Variants in SLC25A17 observed in about 807,000 individuals in gnomAD.
SLC25A17 encodes the protein solute carrier family 25 member 17.
Under a neutral mutation model 38.5 loss-of-function variants are expected in SLC25A17, and 26 were observed. That is an observed-to-expected ratio of 0.68 (90% CI 0.50 to 0.94). The LOEUF (loss-of-function observed/expected upper bound fraction) is 0.94, where lower values mean the gene tolerates loss of function less well. Ranked by LOEUF, SLC25A17 falls within the 40% of genes least tolerant of loss-of-function variation. The probability of loss-of-function intolerance (pLI) is 0.00; values close to 1 mark genes in which losing one functional copy is unlikely to be tolerated. For synonymous variants in SLC25A17, 139 were observed against 136.2 expected (o/e 1.02, Z -0.14); for missense variants, 333 against 372.7 (o/e 0.89, Z 0.88).
intron 4 of SLC25A17, among the ~76,000 whole-genome samples, chr22:40,790,920 GTCTTTT>G (rs2057379883): frequency 6.6e-6 from 1 of 152,098 alleles, no homozygotes; most frequent in South Asian, 2.1e-4. Context: ...TAAAAAACAA[GTCTTTT>G]TCTGTACAGG....
chr22:40,770,916 G>A lies in SLC25A17; in HGVS notation c.842C>T (p.Ala281Val), dbSNP rs1347806901. ...EAKLLQTVLT[A>V]ALMFLVYEKL... ...CTCATAAACAAGGAACATGAGAGCA[G>A]CAGTGAGGACTGTCTGCAGCAGTTT... Residue 281 changes from alanine (A) to valine (V), a missense_variant, in exon 9 of 9, where the codon GCT becomes GTT. Coordinates refer to ENST00000435456, the MANE Select transcript of SLC25A17 (RefSeq NM_006358.4). 6.2e-7 allele frequency: 1 copy of A among 1,613,394 alleles called. No homozygotes were observed. The highest frequency in any genetic ancestry group is 2.2e-5 in the East Asian group (1 of 44,874).
intron 8 of SLC25A17, 79 bp downstream of exon 8, chr22:40,773,858 G>A: frequency 1.0e-6 from 1 of 986,808 alleles, no homozygotes; most frequent in Non-Finnish European, 1.6e-6. Flanking sequence ...AGTAGTGTGA[G>A]AGAGGGAAAT....
intron 1 of SLC25A17, among the ~76,000 whole-genome samples, chr22:40,807,370 G>C (rs1018476550): frequency 9.2e-5 from 14 of 152,134 alleles, no homozygotes; most frequent in African/African-American, 3.4e-4. Context: ...GCTTGTGATA[G>C]AATCAGTATT....
intron 1 of SLC25A17, among the ~76,000 whole-genome samples, chr22:40,807,505 T>A (rs913634623): frequency 2.6e-5 from 4 of 152,134 alleles, no homozygotes; most frequent in Non-Finnish European, 4.4e-5. Flanking sequence ...ATCCCACCAC[T>A]TTGGGAGGCC....
intron 1 of SLC25A17, among the ~76,000 whole-genome samples, chr22:40,800,523 C>T (rs1342444177): frequency 2.0e-5 from 3 of 152,082 alleles, no homozygotes; most frequent in Admixed American, 2.0e-4. Flanking sequence ...CTTAGCATTC[C>T]AAGTATTTAG....
chr22:40,778,988 A>G (rs1428140372), intron 5 of SLC25A17, 21 bp downstream of exon 5: 7 of 1,589,464 alleles, frequency 4.4e-6, no homozygotes, highest in Non-Finnish European at 6.0e-6. Context: ...TTAAATAGGA[A>G]TTCAGCAAAG....
chr22:40,804,068 C>T (rs913469918), intron 1 of SLC25A17, among the ~76,000 whole-genome samples: 1 of 152,122 alleles, frequency 6.6e-6, no homozygotes, highest in Non-Finnish European at 1.5e-5. Flanking sequence ...CACAGGCACA[C>T]TGGGTTCTGC....
At chr22:40,779,175 TAAGCTTTGCTGCTTTA>T (rs1569400659) in intron 4 of SLC25A17, 50 bp from the exon 5 acceptor site, 1 of 1,613,658 alleles carries the variant, frequency 6.2e-7, no homozygotes, top group Admixed American at 1.7e-5. Flanking sequence ...TGTCAGCTTT[TAAGCTTTGCTGCTTTA>T]AAGCTACATA....
intron 7 of SLC25A17, 101 bp from the exon 8 acceptor site, chr22:40,774,120 T>C: frequency 1.5e-6 from 1 of 671,646 alleles, no homozygotes; most frequent in Non-Finnish European, 2.7e-6. Context: ...TCTTATAGCA[T>C]ACATTAATAA....
At chr22:40,788,006 T>C (rs1012065421) in intron 4 of SLC25A17, among the ~76,000 whole-genome samples, 5 of 152,230 alleles carry the variant, frequency 3.3e-5, no homozygotes, top group African/African-American at 9.6e-5. Context: ...TCCTCCCACC[T>C]TGGCCTCCCA....
At chr22:40,777,405 A>G (rs779065824) in intron 5 of SLC25A17, 32 bp from the exon 6 acceptor site, 2 of 1,598,976 alleles carry the variant, frequency 1.3e-6, no homozygotes, top group East Asian at 4.5e-5. Context: ...TTTGAAAAGC[A>G]TGATCACAAT....
chr22:40,812,699 C>A (rs761070568), intron 1 of SLC25A17, among the ~76,000 whole-genome samples: 1 of 152,092 alleles, frequency 6.6e-6, no homozygotes. Flanking sequence ...TAGAACACTG[C>A]ATTATAGAAC....
chr22:40,790,689 C>T (rs1423412511), intron 4 of SLC25A17, among the ~76,000 whole-genome samples: 1 of 152,050 alleles, frequency 6.6e-6, no homozygotes, highest in Admixed American at 6.6e-5. Flanking sequence ...GCAGACACAG[C>T]AAATAAACCG....
At chr22:40,771,213 T>G (rs891361598) in intron 8 of SLC25A17, among the ~76,000 whole-genome samples, 2 of 152,194 alleles carry the variant, frequency 1.3e-5, no homozygotes, top group African/African-American at 4.8e-5. Flanking sequence ...GTTCATGCCA[T>G]TCTCCTGCCT....
At chr22:40,776,008 G>A (rs979903869) in intron 7 of SLC25A17, among the ~76,000 whole-genome samples, 3 of 152,068 alleles carry the variant, frequency 2.0e-5, no homozygotes, top group Admixed American at 6.6e-5. Context: ...ATGCACTTTC[G>A]TCCACTCTGC....
chr22:40,771,246 T>C (rs1007907215), intron 8 of SLC25A17, among the ~76,000 whole-genome samples: 4 of 152,028 alleles, frequency 2.6e-5, no homozygotes, highest in African/African-American at 9.7e-5. Context: ...CAGCTGGGAC[T>C]AGAGGCACCC....
intron 1 of SLC25A17, among the ~76,000 whole-genome samples, chr22:40,805,926 A>G (rs1362587708): frequency 6.6e-6 from 1 of 152,234 alleles, no homozygotes; most frequent in Non-Finnish European, 1.5e-5. Flanking sequence ...GGACACAAAC[A>G]CTGGGAAGCA....
At chr22:40,794,047 C>T (rs1403421679) in intron 3 of SLC25A17, among the ~76,000 whole-genome samples, 1 of 152,060 alleles carries the variant, frequency 6.6e-6, no homozygotes. Flanking sequence ...GTAAAACAAA[C>T]AGGAAAAGAT....
intron 4 of SLC25A17, 36 bp from the exon 5 acceptor site, chr22:40,779,161 A>C: frequency 6.2e-7 from 1 of 1,614,102 alleles, no homozygotes; most frequent in Non-Finnish European, 8.5e-7. Context: ...AAGGGAAGGC[A>C]AAATGTCAGC....
Sources: allele counts gnomAD v4.1 joint callset (sites outside exome capture counted in the v4.1 genomes callset), GRCh38; gene constraint gnomAD v4.1.1; transcripts MANE v1.5; gene names NCBI Gene and HGNC (gene_info 2026-07-23, HGNC 2026-07-21).